The following C11orf21 variants were observed in gnomAD, a reference collection of about 807,000 sequenced individuals.
C11orf21 encodes the protein uncharacterized protein C11orf21.
A neutral mutation model predicts 15.2 loss-of-function variants in C11orf21; 19 were observed. That is an observed-to-expected ratio of 1.25 (90% CI 0.87 to 1.84). The LOEUF (loss-of-function observed/expected upper bound fraction) is 1.84, where lower values mean the gene tolerates loss of function less well. C11orf21 is among the 40% of genes most tolerant of loss of function. The pLI, the probability that C11orf21 is intolerant of heterozygous loss-of-function variation, is 0.00. For synonymous variants in C11orf21, 62 were observed against 66.8 expected (o/e 0.93, Z 0.35); for missense variants, 171 against 174.4 (o/e 0.98, Z 0.11).
chr11:2,297,903 G>A lies in C11orf21; in HGVS notation c.*47C>T, dbSNP rs762298758. On this transcript the variant is annotated 3_prime_UTR_variant, in exon 4 of 4. Coordinates refer to ENST00000381153, the MANE Select transcript of C11orf21 (RefSeq NM_001329958.2). ...GCTTACAGATGGCTGCCTTCTCTCT[G>A]TGTCTTCATACAGCTGTCCTTCAGT... The A allele has an allele frequency of 6.6e-6, 1 of 152,222 alleles. No individual in the cohort carries two copies. The highest frequency in any genetic ancestry group is 1.5e-5 in the Non-Finnish European group (1 of 68,072). 9.4% of individuals were successfully genotyped at this position (152,222 alleles called of 1,614,324 possible). A position where few individuals can be genotyped will look rare whatever the true frequency, so the allele number is the denominator to read the frequency against.
intron 2 of C11orf21, among the ~76,000 whole-genome samples, chr11:2,300,208 G>A (rs1218240529): frequency 2.0e-4 from 16 of 80,630 alleles, no homozygotes; most frequent in Non-Finnish European, 3.9e-4. Flanking sequence ...GGCGTGTGGG[G>A]TGGGCAGGGG....
At chr11:2,301,496 C>T (rs868154483) in intron 1 of C11orf21, 3 of 421,186 alleles carry the variant, frequency 7.1e-6, no homozygotes, top group Middle Eastern at 5.6e-4. Flanking sequence ...CCTGGAGGCC[C>T]CACGTGAGTG....
upstream of C11orf21, chr11:2,303,122 T>C (rs974967401): frequency 6.7e-5 from 41 of 612,426 alleles, no homozygotes; most frequent in Admixed American, 1.2e-4. Context: ...CTAGCTCCCC[T>C]GGGCAGGGCC....
At chr11:2,299,383 A>T in intron 3 of C11orf21, 45 bp downstream of exon 3, 1 of 1,522,000 alleles carries the variant, frequency 6.6e-7, no homozygotes, top group African/African-American at 1.4e-5. Context: ...GCTCACAGAC[A>T]GCACAGGGGC....
Position 2,299,496 on chromosome 11 carries a change from A to T in C11orf21, c.359T>A (p.Leu120Gln). ...CTGCCACCTCCTGGCCCGAGGACAC[A>T]GCTTTCCAGAGGAGGGGCCTGCTTC... ...DLEAGPSSGK[L>Q]CPRARRWQPL... Residue 120 changes from leucine to glutamine, a missense_variant, in exon 3 of 4, where the codon CTG becomes CAG. By Grantham distance (113) the Leu-to-Gln change is moderately radical. Coordinates refer to ENST00000381153, the MANE Select transcript of C11orf21 (RefSeq NM_001329958.2). The T allele has an allele frequency of 6.4e-7, 1 of 1,550,486 alleles. No individual in the cohort carries two copies. The highest frequency in any genetic ancestry group is 8.7e-7 in the Non-Finnish European group (1 of 1,146,954).
rs1348211004 is a variant in C11orf21 at position 2,299,671 on chromosome 11, G to A, written c.184C>T (p.Gln62Ter). The change falls in exon 3 of 4, where the codon CAA becomes TAA. Residue 62 changes from glutamine to a stop codon, truncating the protein, a stop_gained. Coordinates refer to ENST00000381153, the MANE Select transcript of C11orf21 (RefSeq NM_001329958.2). LOFTEE classifies it high-confidence loss of function. ...ACAAGGGCACCATGGGCGGAGGGTT[G>A]GGCAGCTGCAGGTGGCATCATTGAG... is the stretch of plus-strand genomic sequence containing the variant. The part of the protein sequence containing the change: ...PGSMMPPAAA[Q>*]PSAHGALVPP... 2 of 1,550,992 alleles carry A rather than the reference G, an allele frequency of 1.3e-6. No homozygotes were observed. Among genetic ancestry groups the A allele is most frequent in the South Asian group, 1.2e-5 (1 of 84,064 alleles).
In C11orf21 at chr11:2,296,792, C is replaced by T. The variant is rs1045503854; in HGVS notation, c.*1158G>A. 6.6e-6 allele frequency: 1 copy of T among 152,366 alleles called. No individual in the cohort carries two copies. Among genetic ancestry groups the T allele is most frequent in the Non-Finnish European group, 1.5e-5 (1 of 68,180 alleles). 9.4% of individuals were successfully genotyped at this position (152,366 alleles called of 1,614,324 possible). ...AGCCACAGGCCCGGGGCCTCGTGGC[C>T]ACCCCCACTGGGCTGTGCCCTGCCT... On this transcript the variant is annotated 3_prime_UTR_variant, in exon 4 of 4. Transcript: ENST00000381153. This position sits in a 1 kb window ranked among gnomAD's most constrained non-coding sequence, Gnocchi z 5.6.
chr11:2,302,173 G>T, upstream of C11orf21: 1 of 1,422,944 alleles, frequency 7.0e-7, no homozygotes, highest in Non-Finnish European at 9.2e-7. Context: ...GTCGAGTCAG[G>T]GTTGCCAAAT....
intron 3 of C11orf21, among the ~76,000 whole-genome samples, chr11:2,299,076 G>T (rs996090743): frequency 1.3e-5 from 2 of 152,166 alleles, no homozygotes; most frequent in African/African-American, 2.4e-5. Flanking sequence ...GACAGGCCAG[G>T]GTGCCTCCAG....
upstream of C11orf21, chr11:2,302,911 G>T (rs201106606): frequency 6.2e-6 from 10 of 1,613,686 alleles, no homozygotes; most frequent in East Asian, 2.0e-4. Context: ...GCTGTCATCC[G>T]CCGAGCGTCC....
rs771883834 is a variant in C11orf21, at chr11:2,300,503, G to A, written c.147+17C>T. Reference sequence around the variant, plus strand: ...GCCCCCGCTGGTGGGGCACAGTGAGGGGGGCTGTGGTCAGACCTGGTCTCT... The same window carrying A: ...GCCCCCGCTGGTGGGGCACAGTGAGAGGGGCTGTGGTCAGACCTGGTCTCT... On this transcript the variant is annotated intron_variant, in intron 2 of 3. Transcript: ENST00000381153. 7 of 1,509,666 alleles carry A rather than the reference G, an allele frequency of 4.6e-6. No homozygotes were observed. In the South Asian group the frequency reaches 6.1e-5, roughly 13 times the overall value. 93.5% of individuals were successfully genotyped at this position (1,509,666 alleles called of 1,614,324 possible).
chr11:2,301,670 CCAAGG>C, intron 1 of C11orf21, 81 bp downstream of exon 1: 1 of 1,107,756 alleles, frequency 9.0e-7, no homozygotes, highest in Admixed American at 2.5e-5. Flanking sequence ...TAATGATGTT[CCAAGG>C]AGACCCCATC....
Position 2,300,602 on chromosome 11 carries a change from C to T in C11orf21, c.65G>A (p.Arg22Lys). 1 of 1,550,352 alleles carries T rather than the reference C, an allele frequency of 6.5e-7. No individual in the cohort carries two copies. Among genetic ancestry groups the T allele is most frequent in the Non-Finnish European group, 8.7e-7 (1 of 1,146,766 alleles). Reference sequence around the variant, plus strand: ...ACTTTGAGATGACAAGTGAGGCCACCTGGGCACAGCGCTGGTGTGAGAAGG... The same window carrying T: ...ACTTTGAGATGACAAGTGAGGCCACTTGGGCACAGCGCTGGTGTGAGAAGG... ...RRPGRRSAVP[R>K]WPHLSSQSGV... Residue 22 changes from arginine (R) to lysine (K), a missense_variant, in exon 2 of 4, where the codon AGG becomes AAG. Transcript: ENST00000381153.
At position 2,295,786 on chromosome 11, in the gene C11orf21, T is replaced by C. The variant is rs1048612144; in HGVS notation, c.*2164A>G. ...TTGGTTCATCAATTGCAAAGATGTA[T>C]CACAGTAATTCAAGATATGAATAAT... On this transcript the variant is annotated 3_prime_UTR_variant, in exon 4 of 4. Transcript: ENST00000381153. The surrounding 1 kb of genome is among the most constrained non-coding windows in gnomAD (Gnocchi z 5.4). 9.8e-5 allele frequency: 15 copies of C among 152,298 alleles called. No individual in the cohort carries two copies. Among genetic ancestry groups the C allele is most frequent in the Admixed American group, 9.1e-4 (14 of 15,306 alleles). 9.4% of individuals were successfully genotyped at this position (152,298 alleles called of 1,614,324 possible).
chr11:2,300,246 G>T (rs1847667447), intron 2 of C11orf21, among the ~76,000 whole-genome samples: 1 of 104,190 alleles, frequency 9.6e-6, no homozygotes, highest in Non-Finnish European at 2.0e-5. Context: ...GGGTGTGTGG[G>T]GTGGGCAGGG....
upstream of C11orf21, chr11:2,302,007 G>A (rs371222318): frequency 6.9e-5 from 102 of 1,487,518 alleles, no homozygotes; most frequent in Middle Eastern, 9.5e-4. Context: ...CCAGCAGCTC[G>A]GTCCTAGGGC....
chr11:2,299,490 G>C lies in C11orf21; in HGVS notation c.365C>G (p.Pro122Arg). 6 of 1,550,420 alleles carry C rather than the reference G, an allele frequency of 3.9e-6. No individual in the cohort carries two copies. Among genetic ancestry groups the C allele is most frequent in the Non-Finnish European group, 5.2e-6 (6 of 1,146,944 alleles). Residue 122 changes from proline to arginine, a missense_variant, in exon 3 of 4, where the codon CCT (proline) becomes CGT (arginine). Pro to Arg is a moderately radical substitution (Grantham distance 103, BLOSUM62 -2). Coordinates refer to ENST00000381153, the MANE Select transcript of C11orf21 (RefSeq NM_001329958.2). ...TAGAGGCTGCCACCTCCTGGCCCGA[G>C]GACACAGCTTTCCAGAGGAGGGGCC... is the stretch of plus-strand genomic sequence containing the variant. Reference protein sequence around the residue: ...EAGPSSGKLCPRARRWQPLPS With the variant: ...EAGPSSGKLCRRARRWQPLPS
At position 2,301,829 on chromosome 11, in the gene C11orf21, C is replaced by T. The variant is rs559304220; in HGVS notation, c.-21G>A. 20 of 1,550,820 alleles carry T rather than the reference C, an allele frequency of 1.3e-5. No homozygotes were observed. The South Asian group carries it at 1.5e-4, about 12-fold the overall frequency. On this transcript the variant is annotated 5_prime_UTR_variant, in exon 1 of 4. Coordinates refer to ENST00000381153, the MANE Select transcript of C11orf21 (RefSeq NM_001329958.2). ...CCCATGACTTTCCCCCTCTCAGCGCCGTCCTCAGTGGCCACACCAAGAACG... is the reference window on the plus strand; with the variant it reads ...CCCATGACTTTCCCCCTCTCAGCGCTGTCCTCAGTGGCCACACCAAGAACG...
chr11:2,298,537 C>A (rs185802218), intron 3 of C11orf21, among the ~76,000 whole-genome samples: 210 of 152,290 alleles, frequency 1.4e-3, no homozygotes, highest in Admixed American at 2.5e-3. Context: ...GCCAGCGGGA[C>A]CTTCCCCTGC....
Sources: gnomAD v4.1 joint callset for allele counts (sites outside exome capture counted in the v4.1 genomes callset) on GRCh38, gnomAD v4.1.1 for gene constraint, Gnocchi (gnomAD v3.1) non-coding constraint, MANE v1.5 for transcripts, NCBI Gene and HGNC (gene_info 2026-07-23, HGNC 2026-07-21) for gene names.